The following CDKL5 variants were observed in gnomAD, a reference collection of about 807,000 sequenced individuals.
The protein encoded by CDKL5 is cyclin-dependent kinase-like 5.
Under a neutral mutation model 61.7 loss-of-function variants are expected in CDKL5, and 8 were observed. The observed-to-expected ratio is 0.13, with a 90% confidence interval of 0.08 to 0.23. The LOEUF (loss-of-function observed/expected upper bound fraction) is 0.23. Among genes scored for constraint, CDKL5 ranks in the 10% least tolerant of loss-of-function variants. CDKL5 has a pLI of 1.00. For synonymous variants in CDKL5, 275 were observed against 272.3 expected (o/e 1.01, Z -0.10); for missense variants, 440 against 734.5 (o/e 0.60, Z 4.63).
At position 18,496,594 on chromosome X, in the gene CDKL5, C is replaced by T. The variant is rs964213587; in HGVS notation, c.-162-10341C>T. Reference sequence around the variant, plus strand: ...TGCACTATGGAGATTCTGTTGGCCCCGTGACAGTTATTTTAAAATATGTCA... The same window carrying T: ...TGCACTATGGAGATTCTGTTGGCCCTGTGACAGTTATTTTAAAATATGTCA... On this transcript the variant is annotated intron_variant, in intron 1 of 17. Transcript: ENST00000623535. Among the ~76,000 whole-genome samples the T allele has an allele frequency of 2.7e-5, 3 of 111,307 alleles. No individual in the cohort carries two copies. The Admixed American group carries it at 2.9e-4, about 11-fold the overall frequency.
At chrX:18,471,771 A>C (rs1921106283) in intron 1 of CDKL5, among the ~76,000 whole-genome samples, 1 of 108,165 alleles carries the variant, frequency 9.2e-6, no homozygotes, top group Admixed American at 9.9e-5. Context: ...GCGGAGTCTC[A>C]CTCTGCCACC....
Position 18,604,456 on chromosome X carries a change from C to T in CDKL5, c.1532C>T (p.Pro511Leu). 8.3e-7 allele frequency: 1 copy of T among 1,211,088 alleles called. No homozygotes were observed. The highest frequency in any genetic ancestry group is 1.1e-6 in the Non-Finnish European group (1 of 894,849). The stretch of plus-strand genomic sequence containing the variant: ...GAAGCCAGGGCCCAAATTGCGGAGC[C>T]CAGTACCAGTAGGTACTTCCCATCT... ...LSEARAQIAE[P>L]STSRYFPSSC... is the part of the protein sequence containing the mutation. The change falls in exon 12 of 18, where the codon CCC becomes CTC. Residue 511 changes from proline to leucine, a missense_variant. Coordinates refer to ENST00000623535, the MANE Select transcript of CDKL5 (RefSeq NM_001323289.2).
chrX:18,566,042 G>A (rs1924958878), intron 4 of CDKL5, among the ~76,000 whole-genome samples: 1 of 112,217 alleles, frequency 8.9e-6, no homozygotes, highest in Admixed American at 9.4e-5. Flanking sequence ...TGCATGTAAA[G>A]GCTTCTGGCT....
chrX:18,532,491 AAATCTCTAGAG>A (rs968668617), intron 3 of CDKL5, among the ~76,000 whole-genome samples: 14 of 111,422 alleles, frequency 1.3e-4, no homozygotes, highest in African/African-American at 4.6e-4. Context: ...AGGCACTTTG[AAATCTCTAGAG>A]ACTAAGCACG....
intron 9 of CDKL5, 87 bp from the exon 10 acceptor site, chrX:18,595,261 A>G (rs1221775151): frequency 4.8e-6 from 3 of 620,434 alleles, no homozygotes; most frequent in Non-Finnish European, 8.4e-6. Flanking sequence ...ATTTTTGCTT[A>G]TCTGCTCCCT....
chrX:18,537,963 C>T (rs192510055), intron 3 of CDKL5, among the ~76,000 whole-genome samples: 1 of 111,800 alleles, frequency 8.9e-6, no homozygotes, highest in East Asian at 2.8e-4. Flanking sequence ...CTCAAGAGTG[C>T]AGTTGCTGGG....
In CDKL5 at chrX:18,555,074, G is replaced by A. The variant is rs1456379128; in HGVS notation, c.100-9403G>A. Among the ~76,000 whole-genome samples the A allele has an allele frequency of 4.6e-4, 51 of 111,368 alleles. No individual in the cohort carries two copies. The Admixed American group carries it at 4.9e-3, about 11-fold the overall frequency. ...GTTTGTACGGAAATACCACAAAATG[G>A]TTAAAATGAATAAACTCGAGCAGAG... On this transcript the variant is annotated intron_variant, in intron 3 of 17. Coordinates refer to ENST00000623535, the MANE Select transcript of CDKL5 (RefSeq NM_001323289.2).
intron 12 of CDKL5, among the ~76,000 whole-genome samples, chrX:18,607,364 T>C (rs1926399692): frequency 8.9e-6 from 1 of 112,094 alleles, no homozygotes; most frequent in African/African-American, 3.2e-5. Flanking sequence ...ATCTGGCAGC[T>C]TCCTGCAGAG....
intron 9 of CDKL5, among the ~76,000 whole-genome samples, chrX:18,591,072 G>T (rs1421072788): frequency 9.0e-6 from 1 of 110,630 alleles, no homozygotes; most frequent in Non-Finnish European, 1.9e-5. Flanking sequence ...TCCCTCGTGT[G>T]GTCCCTTCTC....
Position 18,552,006 on chromosome X carries a change from G to A in CDKL5, c.100-12471G>A, listed in dbSNP as rs182383225. Among the ~76,000 whole-genome samples, 529 of 109,814 alleles carry A rather than the reference G, an allele frequency of 4.8e-3. 1 individual carries two copies. Among genetic ancestry groups the A allele is most frequent in the Non-Finnish European group, 6.9e-3 (364 of 52,632 alleles). On this transcript the variant is annotated intron_variant, in intron 3 of 17. Transcript: ENST00000623535. ...TGTAATCCCAGCACTTTGGGAGGCCGAGGCGGGTGGATCACAAGGTCAGGA... is the reference window on the plus strand; with the variant it reads ...TGTAATCCCAGCACTTTGGGAGGCCAAGGCGGGTGGATCACAAGGTCAGGA...
At chrX:18,553,583 C>T (rs1381582246) in intron 3 of CDKL5, among the ~76,000 whole-genome samples, 1 of 109,687 alleles carries the variant, frequency 9.1e-6, no homozygotes, top group African/African-American at 3.3e-5. Flanking sequence ...ACCTCCGCCT[C>T]CTGGATTCAA....
intron 2 of CDKL5, among the ~76,000 whole-genome samples, chrX:18,510,304 G>A (rs1922781551): frequency 9.0e-6 from 1 of 111,586 alleles, no homozygotes; most frequent in Non-Finnish European, 1.9e-5. Context: ...ACAGGCACCT[G>A]CAACTATACC....
At chrX:18,456,095 C>T (rs934015897) in intron 1 of CDKL5, among the ~76,000 whole-genome samples, 8 of 107,679 alleles carry the variant, frequency 7.4e-5, no homozygotes, top group African/African-American at 2.7e-4. Context: ...GTCACCCAGG[C>T]TGGAGTGTGG....
chrX:18,623,904 C>T, intron 16 of CDKL5: 1 of 742,565 alleles, frequency 1.3e-6, no homozygotes, highest in Non-Finnish European at 1.6e-6. Context: ...GGGGAGAATC[C>T]AAGCATCAAG....
chrX:18,606,174 TCACA>T (rs528800542), intron 12 of CDKL5, among the ~76,000 whole-genome samples: 5,903 of 96,819 alleles, frequency 0.061, 423 homozygotes, highest in African/African-American at 0.2. Context: ...AGCAAGACTG[TCACA>T]CACACACACA....
chrX:18,522,528 A>G (rs1180507318), intron 3 of CDKL5, among the ~76,000 whole-genome samples: 2 of 107,188 alleles, frequency 1.9e-5, no homozygotes, highest in Non-Finnish European at 3.8e-5. Flanking sequence ...TATTTTTAGT[A>G]GAGACAGGGT....
At chrX:18,509,246 C>A (rs1048114009) in intron 2 of CDKL5, among the ~76,000 whole-genome samples, 1 of 97,242 alleles carries the variant, frequency 1.0e-5, no homozygotes, top group Non-Finnish European at 2.1e-5. Flanking sequence ...CACACACACA[C>A]CCCTGTCAAG....
At chrX:18,526,064 T>C (rs1440013407) in intron 3 of CDKL5, among the ~76,000 whole-genome samples, 1 of 112,660 alleles carries the variant, frequency 8.9e-6, no homozygotes, top group Non-Finnish European at 1.9e-5. Flanking sequence ...TTGAGTCTTA[T>C]AATCTGTGAA....
At chrX:18,614,739 A>T (rs181864485) in intron 15 of CDKL5, among the ~76,000 whole-genome samples, 1 of 112,610 alleles carries the variant, frequency 8.9e-6, no homozygotes, top group Non-Finnish European at 1.9e-5. Flanking sequence ...ACGTGAGAAC[A>T]CAAGTATAAC....
Sources: allele counts gnomAD v4.1 joint callset (sites outside exome capture counted in the v4.1 genomes callset), GRCh38; gene constraint gnomAD v4.1.1; transcripts MANE v1.5; gene names NCBI Gene and HGNC (gene_info 2026-07-23, HGNC 2026-07-21).